The following SOX5 variants were observed in gnomAD, a reference collection of about 807,000 sequenced individuals.
SOX5 encodes SRY-box transcription factor 5.
Under a neutral mutation model 92.0 loss-of-function variants are expected in SOX5, and 9 were observed. The observed-to-expected ratio is 0.10, with a 90% confidence interval of 0.06 to 0.17. The LOEUF (loss-of-function observed/expected upper bound fraction) is 0.17, where lower values mean the gene tolerates loss of function less well. Among genes scored for constraint, SOX5 ranks in the 10% least tolerant of loss-of-function variants. The pLI is 1.00. For missense variants in SOX5, 642 were observed against 944.5 expected (o/e 0.68, Z 4.20); for synonymous variants, 344 against 336.3 (o/e 1.02, Z -0.25).
intron 4 of SOX5, among the ~76,000 whole-genome samples, chr12:24,168,935 C>T (rs1396819953): frequency 6.6e-6 from 1 of 151,370 alleles, no homozygotes; most frequent in African/African-American, 2.4e-5. Context: ...ATCACAACAA[C>T]AAATAAACAT....
Position 23,861,657 on chromosome 12 carries a change from C to T in SOX5, c.271-15464G>A, listed in dbSNP as rs2096758647. ...TTATATTCCCAGATTCAAGAGAATA[C>T]AAGCTCTATTTATGTTATAAAGCTA... is the stretch of plus-strand genomic sequence containing the variant. On this transcript the variant is annotated intron_variant, in intron 2 of 14. Transcript: ENST00000451604. Among the ~76,000 whole-genome samples, 4 of 152,208 alleles carry T rather than the reference C, an allele frequency of 2.6e-5. No individual in the cohort carries two copies. In the South Asian group the frequency reaches 8.3e-4, roughly 32 times the overall value.
At chr12:24,196,371 C>T (rs1957013741) in intron 4 of SOX5, among the ~76,000 whole-genome samples, 1 of 152,200 alleles carries the variant, frequency 6.6e-6, no homozygotes, top group Admixed American at 6.5e-5. Context: ...TGAGTTAGTG[C>T]TGAGTTAGAA....
chr12:23,659,155 C>T (rs780661150), intron 7 of SOX5, among the ~76,000 whole-genome samples: 4 of 152,080 alleles, frequency 2.6e-5, no homozygotes, highest in Non-Finnish European at 5.9e-5. Flanking sequence ...TATGCAGTCT[C>T]CTAAAATGCC....
intron 1 of SOX5, among the ~76,000 whole-genome samples, chr12:24,525,686 G>A (rs1301286945): frequency 6.6e-6 from 1 of 151,838 alleles, no homozygotes; most frequent in African/African-American, 2.4e-5. Context: ...CCTGGCTAAC[G>A]CAGTGAAACC....
At chr12:24,436,146 G>A (rs1409430779) in intron 1 of SOX5, among the ~76,000 whole-genome samples, 2 of 152,060 alleles carry the variant, frequency 1.3e-5, no homozygotes, top group African/African-American at 4.8e-5. Flanking sequence ...ACCCTACAAT[G>A]GCTTCTAAGT....
At chr12:23,708,867 G>A (rs1036312590) in intron 6 of SOX5, among the ~76,000 whole-genome samples, 4 of 152,060 alleles carry the variant, frequency 2.6e-5, no homozygotes, top group African/African-American at 7.2e-5. Context: ...ACAAGATTAG[G>A]ACTTCCTCAT....
intron 1 of SOX5, among the ~76,000 whole-genome samples, chr12:24,493,591 G>A (rs973911503): frequency 3.3e-5 from 5 of 152,146 alleles, no homozygotes; most frequent in Non-Finnish European, 5.9e-5. Context: ...TTGGCCGGGT[G>A]CGGTGGCTCA....
intron 1 of SOX5, among the ~76,000 whole-genome samples, chr12:24,521,793 T>C (rs899907119): frequency 6.6e-6 from 1 of 151,766 alleles, no homozygotes; most frequent in Non-Finnish European, 1.5e-5. Flanking sequence ...CCAAAACCTA[T>C]GGGATGAAGC....
rs899636167 is a variant in SOX5, at chr12:24,390,547, C to G, written c.-250-21908G>C. Among the ~76,000 whole-genome samples, 5 of 152,142 alleles carry G rather than the reference C, an allele frequency of 3.3e-5. No individual in the cohort carries two copies. The South Asian group carries it at 1.0e-3, about 32-fold the overall frequency. ...CCATTGCCCAAATAGTGTACATTGT[C>G]CCCATTAAGTAATTTATCATTCCTT... On this transcript the variant is annotated intron_variant, in intron 1 of 4. Transcript: ENST00000446891.
At chr12:24,119,391 A>G (rs1175635679) in intron 4 of SOX5, among the ~76,000 whole-genome samples, 1 of 152,146 alleles carries the variant, frequency 6.6e-6, no homozygotes, top group Non-Finnish European at 1.5e-5. Flanking sequence ...CATGCCTCAC[A>G]TATGACTGGC....
chr12:23,557,971 G>A (rs1945502484), intron 11 of SOX5, among the ~76,000 whole-genome samples: 2 of 96,368 alleles, frequency 2.1e-5, no homozygotes, highest in Admixed American at 1.2e-4. Context: ...GCGAGACTCC[G>A]CCTCAAAAAA....
chr12:24,319,634 A>C (rs1329189417), intron 2 of SOX5, among the ~76,000 whole-genome samples: 2 of 152,198 alleles, frequency 1.3e-5, no homozygotes, highest in African/African-American at 4.8e-5. Context: ...TACCCCTTGA[A>C]ATCCATCCCA....
chr12:23,547,041 A>G (rs1436331681), intron 11 of SOX5, among the ~76,000 whole-genome samples: 1 of 152,186 alleles, frequency 6.6e-6, no homozygotes, highest in Non-Finnish European at 1.5e-5. Flanking sequence ...GAGTTGGCGA[A>G]TTATTTGAGA....
chr12:23,762,035 C>T (rs2094575814), intron 3 of SOX5, among the ~76,000 whole-genome samples: 1 of 151,970 alleles, frequency 6.6e-6, no homozygotes, highest in Non-Finnish European at 1.5e-5. Flanking sequence ...AATCATATAT[C>T]AGTAAGAGTT....
chr12:23,888,233 TAAATG>T (rs1372876810), intron 2 of SOX5, among the ~76,000 whole-genome samples: 1 of 152,174 alleles, frequency 6.6e-6, no homozygotes, highest in Non-Finnish European at 1.5e-5. Flanking sequence ...CACTCCCTAT[TAAATG>T]AAAGTCATTA....
chr12:23,737,583 T>C (rs1329078620), intron 5 of SOX5, among the ~76,000 whole-genome samples: 3 of 152,136 alleles, frequency 2.0e-5, no homozygotes, highest in African/African-American at 7.2e-5. Context: ...AGTCATCTTT[T>C]CAAAACACTT....
At chr12:24,545,375 C>T (rs925580131) in intron 1 of SOX5, among the ~76,000 whole-genome samples, 2 of 152,166 alleles carry the variant, frequency 1.3e-5, no homozygotes, top group Admixed American at 6.5e-5. Context: ...TCTCCTCTCT[C>T]TTGTTTCACC....
intron 4 of SOX5, among the ~76,000 whole-genome samples, chr12:24,141,005 T>C (rs1052535257): frequency 6.6e-6 from 1 of 152,106 alleles, no homozygotes; most frequent in Non-Finnish European, 1.5e-5. Flanking sequence ...CTCAAATACT[T>C]CTAAGAAAAG....
chr12:24,110,126 C>T (rs1947146738), intron 4 of SOX5, among the ~76,000 whole-genome samples: 1 of 152,090 alleles, frequency 6.6e-6, no homozygotes, highest in Non-Finnish European at 1.5e-5. Context: ...ACCAGTGGTC[C>T]CTCAACAGTT....
Sources: gnomAD v4.1 joint callset for allele counts (sites outside exome capture counted in the v4.1 genomes callset) on GRCh38, gnomAD v4.1.1 for gene constraint, MANE v1.5 for transcripts, NCBI Gene and HGNC (gene_info 2026-07-23, HGNC 2026-07-21) for gene names.